Variants in SLC44A1 observed in about 807,000 individuals in gnomAD.
The protein encoded by SLC44A1 is solute carrier family 44 member 1.
A neutral mutation model predicts 79.3 loss-of-function variants in SLC44A1; 26 were observed. The ratio of observed to expected loss-of-function variants is 0.33; its 90% CI spans 0.24 to 0.46. The LOEUF is 0.46. SLC44A1 is among the 20% of genes least tolerant of loss of function. The pLI, the probability that SLC44A1 is intolerant of heterozygous loss-of-function variation, is 1.00. For synonymous variants in SLC44A1, 263 were observed against 286.2 expected (o/e 0.92, Z 0.82); for missense variants, 688 against 798.1 (o/e 0.86, Z 1.66).
At chr9:105,246,691 T>C (rs1829461053) in intron 1 of SLC44A1, among the ~76,000 whole-genome samples, 1 of 152,206 alleles carries the variant, frequency 6.6e-6, no homozygotes, top group Non-Finnish European at 1.5e-5. Flanking sequence ...AGAATTGAGT[T>C]AATTTACATT....
At position 105,362,816 on chromosome 9, in the gene SLC44A1, T is replaced by C. The variant is rs1827820415; in HGVS notation, c.901-5T>C. 6.3e-7 allele frequency: 1 copy of C among 1,582,450 alleles called. No individual in the cohort carries two copies. On this transcript the variant is annotated splice_polypyrimidine_tract_variant and splice_region_variant and intron_variant, in intron 8 of 15. Transcript: ENST00000374720. ...ATAATAACTGAAACCATTCTCTCCA[T>C]ACAGGTGATCTTATTCCTGATAATG...
intron 1 of SLC44A1, among the ~76,000 whole-genome samples, chr9:105,297,521 T>C (rs1830756749): frequency 6.6e-6 from 1 of 152,116 alleles, no homozygotes; most frequent in African/African-American, 2.4e-5. Context: ...GTAGCTGGGA[T>C]TACTGGCATG....
chr9:105,288,187 T>A (rs1216303346), intron 1 of SLC44A1, among the ~76,000 whole-genome samples: 2 of 152,242 alleles, frequency 1.3e-5, no homozygotes, highest in Admixed American at 6.5e-5. Flanking sequence ...CTGTTTATTA[T>A]AATCATTTTT....
chr9:105,413,108 A>C (rs188266678), intron 15 of SLC44A1, among the ~76,000 whole-genome samples: 1 of 152,312 alleles, frequency 6.6e-6, no homozygotes, highest in Admixed American at 6.5e-5. Flanking sequence ...GAGCCCCTAA[A>C]GGGTTCTAAT....
chr9:105,328,918 G>A (rs191975883), intron 3 of SLC44A1, among the ~76,000 whole-genome samples: 34 of 152,270 alleles, frequency 2.2e-4, no homozygotes, highest in Middle Eastern at 3.4e-3. Context: ...ACCAACTCTG[G>A]TGTGCTGGCC....
chr9:105,262,482 T>C (rs761864471), intron 1 of SLC44A1, among the ~76,000 whole-genome samples: 3 of 152,266 alleles, frequency 2.0e-5, no homozygotes, highest in African/African-American at 4.8e-5. Flanking sequence ...GCTTTTAAGC[T>C]AATAAATGAG....
intron 3 of SLC44A1, among the ~76,000 whole-genome samples, chr9:105,328,442 A>G (rs564910109): frequency 9.9e-5 from 15 of 152,284 alleles, no homozygotes; most frequent in African/African-American, 3.1e-4. Context: ...CTCTAGAAAA[A>G]GAACATTCCA....
chr9:105,428,562 C>T (rs1829352030), intron 15 of SLC44A1, among the ~76,000 whole-genome samples: 1 of 152,228 alleles, frequency 6.6e-6, no homozygotes, highest in African/African-American at 2.4e-5. Context: ...GTTTCCCCAT[C>T]TGTAAAAGAC....
At chr9:105,329,091 G>T (rs1028363444) in intron 3 of SLC44A1, among the ~76,000 whole-genome samples, 1 of 152,156 alleles carries the variant, frequency 6.6e-6, no homozygotes, top group Non-Finnish European at 1.5e-5. Context: ...ACAGATCTGC[G>T]GGGCTCTCTG....
intron 15 of SLC44A1, among the ~76,000 whole-genome samples, chr9:105,415,896 ATTTTTT>A (rs10592448): frequency 0.015 from 1,782 of 117,944 alleles, 46 homozygotes; most frequent in African/African-American, 0.056. Context: ...GATTGACTGA[ATTTTTT>A]TTTTTTTTTT....
chr9:105,322,951 A>G (rs2131334943), intron 3 of SLC44A1, among the ~76,000 whole-genome samples: 1 of 152,000 alleles, frequency 6.6e-6, no homozygotes, highest in South Asian at 2.1e-4. Flanking sequence ...GGCTGGGCGC[A>G]GTGGCTCATG....
chr9:105,429,008 A>T (rs1829358363), intron 15 of SLC44A1, among the ~76,000 whole-genome samples: 2 of 152,174 alleles, frequency 1.3e-5, no homozygotes, highest in South Asian at 4.1e-4. Context: ...CCGGCCGGTT[A>T]TTCATAACTT....
At chr9:105,353,053 A>C (rs1827502783) in intron 5 of SLC44A1, among the ~76,000 whole-genome samples, 2 of 152,118 alleles carry the variant, frequency 1.3e-5, no homozygotes, top group African/African-American at 4.8e-5. Context: ...ATTTCTTCTT[A>C]TGTTTGCCTT....
rs1220084716 is a variant in SLC44A1, at chr9:105,393,134, G to A, written c.*4078G>A. 2 of 985,412 alleles carry A rather than the reference G, an allele frequency of 2.0e-6. No individual in the cohort carries two copies. Among genetic ancestry groups the A allele is most frequent in the Non-Finnish European group, 2.4e-6 (2 of 829,924 alleles). 61.0% of individuals were successfully genotyped at this position (985,412 alleles called of 1,614,324 possible). On this transcript the variant is annotated 3_prime_UTR_variant, in exon 16 of 16. Transcript: ENST00000374720. ...TGTGAATGTATATTGAAAAAATGTG[G>A]GTTCATAAGTAAAAGCGTAACGCAG...
chr9:105,438,467 C>T (rs1588884805), exon 16 of SLC44A1: 10 of 552,388 alleles, frequency 1.8e-5, no homozygotes, highest in Middle Eastern at 2.7e-4. Flanking sequence ...TGGTACAGTG[C>T]GGCTGTCTAA....
intron 4 of SLC44A1, among the ~76,000 whole-genome samples, chr9:105,340,737 A>C (rs1827062163): frequency 2.0e-5 from 3 of 152,248 alleles, no homozygotes. Context: ...ACTTTTTAGC[A>C]CTTACAACCA....
intron 3 of SLC44A1, among the ~76,000 whole-genome samples, chr9:105,320,236 AAC>A (rs1395719495): frequency 3.3e-5 from 5 of 151,916 alleles, no homozygotes; most frequent in African/African-American, 1.2e-4. Context: ...GTGTGGCTAT[AAC>A]ACAGTTTATC....
intron 13 of SLC44A1, among the ~76,000 whole-genome samples, chr9:105,375,449 A>G (rs2131444977): frequency 6.6e-6 from 1 of 152,274 alleles, no homozygotes; most frequent in African/African-American, 2.4e-5. Context: ...TCTATCACTG[A>G]TAGTTGTGTG....
In SLC44A1 at chr9:105,389,621, C is replaced by T. The variant is rs1467640519; in HGVS notation, c.*565C>T. ...TACTTTTAGAAACATACAATTGGGC[C>T]CAATATGGGAATTTTCATAATAGTT... is the stretch of plus-strand genomic sequence containing the variant. On this transcript the variant is annotated 3_prime_UTR_variant, in exon 16 of 16. Transcript: ENST00000374720. 8.4e-7 allele frequency: 1 copy of T among 1,189,288 alleles called. No homozygotes were observed. The highest frequency in any genetic ancestry group is 1.0e-6 in the Non-Finnish European group (1 of 960,506). The allele number at this position is 1,189,288 out of a possible 1,614,324, so 73.7% of individuals were successfully genotyped here.
Sources: allele counts gnomAD v4.1 joint callset (sites outside exome capture counted in the v4.1 genomes callset), GRCh38; gene constraint gnomAD v4.1.1; transcripts MANE v1.5; gene names NCBI Gene and HGNC (gene_info 2026-07-23, HGNC 2026-07-21).